CRYZL1: variants seen among roughly 807,000 people sequenced by gnomAD.
CRYZL1 encodes crystallin zeta like 1.
In CRYZL1, 34 loss-of-function variants were observed where a neutral mutation model predicts 50.6. The ratio of observed to expected loss-of-function variants is 0.67; its 90% CI spans 0.51 to 0.89. The LOEUF (loss-of-function observed/expected upper bound fraction) is 0.89. Ranked by LOEUF, CRYZL1 falls within the 40% of genes least tolerant of loss-of-function variation. The probability of loss-of-function intolerance (pLI) is 0.00; values close to 1 mark genes in which losing one functional copy is unlikely to be tolerated. For synonymous variants in CRYZL1, 125 were observed against 134.3 expected (o/e 0.93, Z 0.48); for missense variants, 354 against 402.3 (o/e 0.88, Z 1.03).
At chr21:33,612,377 C>T (rs766331057) in intron 6 of CRYZL1, among the ~76,000 whole-genome samples, 1 of 151,726 alleles carries the variant, frequency 6.6e-6, no homozygotes, top group Non-Finnish European at 1.5e-5. Flanking sequence ...ACCTCCACCT[C>T]CCGGGTTCAA....
chr21:33,630,635 C>T lies in CRYZL1; in HGVS notation c.66+851G>A, dbSNP rs147982128. 2.0e-5 allele frequency among the ~76,000 whole-genome samples: 3 copies of T among 151,868 alleles called. No homozygotes were observed. The East Asian group carries it at 5.8e-4, about 29-fold the overall frequency. ...ATCATTTAATCCAACAATCCCTCTCCTGGGTATACATACATCCAAAGGAAA... is the reference window on the plus strand; with the variant it reads ...ATCATTTAATCCAACAATCCCTCTCTTGGGTATACATACATCCAAAGGAAA... On this transcript the variant is annotated intron_variant, in intron 2 of 12. Coordinates refer to ENST00000381554, the MANE Select transcript of CRYZL1 (RefSeq NM_145858.3).
intron 1 of CRYZL1, among the ~76,000 whole-genome samples, chr21:33,639,301 TC>T (rs1373385494): frequency 6.6e-6 from 1 of 152,248 alleles, no homozygotes; most frequent in Admixed American, 6.5e-5. Flanking sequence ...AAATCTCTGA[TC>T]CAGTTACTAT....
chr21:33,615,735 T>C (rs1350553928), intron 5 of CRYZL1, among the ~76,000 whole-genome samples: 1 of 152,190 alleles, frequency 6.6e-6, no homozygotes, highest in African/African-American at 2.4e-5. Flanking sequence ...CTCTGTATGA[T>C]TTCAGTTGAA....
chr21:33,623,594 AAGT>A (rs959430380), intron 3 of CRYZL1, among the ~76,000 whole-genome samples: 4 of 152,178 alleles, frequency 2.6e-5, no homozygotes, highest in Non-Finnish European at 4.4e-5. Flanking sequence ...TGCATTTCTC[AAGT>A]CATGCTCATG....
chr21:33,604,741 G>T (rs1411462016), intron 6 of CRYZL1, among the ~76,000 whole-genome samples: 2 of 152,114 alleles, frequency 1.3e-5, no homozygotes, highest in African/African-American at 4.8e-5. Context: ...CTTACCCATT[G>T]TTTAGCTGAT....
At chr21:33,601,210 TGCAGATGTGA>T (rs2086753249) in intron 8 of CRYZL1, among the ~76,000 whole-genome samples, 1 of 152,146 alleles carries the variant, frequency 6.6e-6, no homozygotes, top group African/African-American at 2.4e-5. Context: ...GTGCTGGGAT[TGCAGATGTGA>T]GCCACCACGC....
chr21:33,637,760 C>CATATATATATATATATAT (rs10536195), intron 1 of CRYZL1, among the ~76,000 whole-genome samples: 26 of 131,700 alleles, frequency 2.0e-4, no homozygotes, highest in South Asian at 1.2e-3. Flanking sequence ...AAGAGAAAAA[C>CATATATATATATATATAT]ATATATATAT....
Position 33,591,163 on chromosome 21 carries a change from T to C in CRYZL1, c.949A>G (p.Arg317Gly). 6.2e-7 allele frequency: 1 copy of C among 1,606,074 alleles called. No individual in the cohort carries two copies. Among genetic ancestry groups the C allele is most frequent in the Non-Finnish European group, 8.5e-7 (1 of 1,172,616 alleles). ...VMEKLSTGVFRPQLDEPIPLY... is the reference protein window; with the variant it reads ...VMEKLSTGVFGPQLDEPIPLY... ...AATGATTTGGTTACTTTAGCGTACCTGAAAACACCAGTTGATAACTTCTCC... is the reference window on the plus strand; with the variant it reads ...AATGATTTGGTTACTTTAGCGTACCCGAAAACACCAGTTGATAACTTCTCC... The change falls in exon 12 of 13, where the codon AGA becomes GGA. Residue 317 changes from arginine to glycine, a missense_variant and splice_region_variant. Transcript: ENST00000381554.
chr21:33,631,944 A>T (rs986191519), intron 1 of CRYZL1, among the ~76,000 whole-genome samples: 5 of 152,206 alleles, frequency 3.3e-5, no homozygotes, highest in Admixed American at 3.3e-4. Flanking sequence ...GATCATTAAA[A>T]AGGAGAAAGT....
chr21:33,599,148 A>G lies in CRYZL1; in HGVS notation c.676+2T>C, dbSNP rs1337630727. The G allele has an allele frequency of 6.2e-7, 1 of 1,613,906 alleles. No homozygotes were observed. ...AGGCTACTAATTTCATAAGGTACCT[A>G]CCTCCAGCATCTAGGACAATATCTA... On this transcript the variant is annotated splice_donor_variant, in intron 9 of 12. Coordinates refer to ENST00000381554, the MANE Select transcript of CRYZL1 (RefSeq NM_145858.3). LOFTEE classifies it high-confidence loss of function.
rs1411287091 is a variant in CRYZL1, at chr21:33,617,451, A to ACAGGGAATTCTGAGAATG, written c.218-719_218-702dup. Reference sequence around the variant, plus strand: ...TATTTTTGTTGCAGAATCTCATACAACAGGGAATTCTGAGAATGCAGCAGG... The same window carrying ACAGGGAATTCTGAGAATG: ...TATTTTTGTTGCAGAATCTCATACAACAGGGAATTCTGAGAATGCAGGGAATTCTGAGAATGCAGCAGG... On this transcript the variant is annotated intron_variant, in intron 4 of 12. Transcript: ENST00000381554. 1.1e-4 allele frequency among the ~76,000 whole-genome samples: 17 copies of ACAGGGAATTCTGAGAATG among 152,278 alleles called. No individual in the cohort carries two copies. In the East Asian group the frequency reaches 3.1e-3, roughly 28 times the overall value.
chr21:33,604,149 C>T (rs1569084773), intron 6 of CRYZL1, among the ~76,000 whole-genome samples: 2 of 151,908 alleles, frequency 1.3e-5, no homozygotes, highest in African/African-American at 2.4e-5. Context: ...GGGCGGATCA[C>T]GAGCTCAGGA....
At chr21:33,604,034 C>T (rs370361266) in intron 6 of CRYZL1, among the ~76,000 whole-genome samples, 1 of 151,240 alleles carries the variant, frequency 6.6e-6, no homozygotes, top group African/African-American at 2.4e-5. Context: ...AGGCAGATCA[C>T]GAGGTCAGGA....
At chr21:33,590,154 A>C (rs980674349) in intron 12 of CRYZL1, among the ~76,000 whole-genome samples, 4 of 151,902 alleles carry the variant, frequency 2.6e-5, no homozygotes, top group Non-Finnish European at 4.4e-5. Flanking sequence ...AGTAGCTGGG[A>C]TTACAGGCAT....
At chr21:33,615,390 G>T (rs2086918743) in intron 5 of CRYZL1, among the ~76,000 whole-genome samples, 1 of 152,058 alleles carries the variant, frequency 6.6e-6, no homozygotes, top group Non-Finnish European at 1.5e-5. Context: ...CTGGGCTCAA[G>T]TGATCTTCCT....
At chr21:33,632,862 G>A (rs1026562022) in intron 1 of CRYZL1, among the ~76,000 whole-genome samples, 1 of 152,168 alleles carries the variant, frequency 6.6e-6, no homozygotes, top group Non-Finnish European at 1.5e-5. Flanking sequence ...ATCATGGCAG[G>A]AGACACATCA....
At chr21:33,610,365 T>C (rs572446841) in intron 6 of CRYZL1, among the ~76,000 whole-genome samples, 58 of 151,804 alleles carry the variant, frequency 3.8e-4, no homozygotes, top group African/African-American at 1.3e-3. Flanking sequence ...TTTGTCATGT[T>C]GGCCAGGCTG....
At chr21:33,604,048 C>T (rs2086784175) in intron 6 of CRYZL1, among the ~76,000 whole-genome samples, 4 of 151,754 alleles carry the variant, frequency 2.6e-5, no homozygotes, top group South Asian at 2.1e-4. Flanking sequence ...GTCAGGAGAT[C>T]GAGACCATCC....
intron 1 of CRYZL1, among the ~76,000 whole-genome samples, chr21:33,636,947 C>T (rs1389136651): frequency 6.6e-6 from 1 of 152,230 alleles, no homozygotes; most frequent in African/African-American, 2.4e-5. Flanking sequence ...GCTGGGACTA[C>T]AGGCGCCCGC....
Sources: gnomAD v4.1 joint callset for allele counts (sites outside exome capture counted in the v4.1 genomes callset) on GRCh38, gnomAD v4.1.1 for gene constraint, MANE v1.5 for transcripts, NCBI Gene and HGNC (gene_info 2026-07-23, HGNC 2026-07-21) for gene names.